SFT2D2: variants seen among roughly 807,000 people sequenced by gnomAD.
The protein encoded by SFT2D2 is vesicle transport protein SFT2B.
SFT2D2 carries 21 observed loss-of-function variants against 27.4 expected under a neutral mutation model. That is an observed-to-expected ratio of 0.77 (90% CI 0.54 to 1.10). SFT2D2 has a LOEUF of 1.10. Ranked by LOEUF, SFT2D2 falls within the 50% of genes least tolerant of loss-of-function variation. SFT2D2 has a pLI of 0.00. For synonymous variants in SFT2D2, 72 were observed against 71.7 expected, an observed-to-expected ratio of 1.00 and a Z score of -0.02; for missense variants, 187 against 194.2, an observed-to-expected ratio of 0.96 and a Z score of 0.22.
rs530172357 is a variant in SFT2D2 at position 168,239,778 on chromosome 1, C to T, written c.443+618C>T. On this transcript the variant is annotated intron_variant, in intron 7 of 7. Coordinates refer to ENST00000271375, the MANE Select transcript of SFT2D2 (RefSeq NM_199344.3). ...CAGTGACGGACCTCTCAAAATTAGC[C>T]GCATGATCTTTGCCTCTGACTTTGT... 1.3e-4 allele frequency among the ~76,000 whole-genome samples: 19 copies of T among 152,000 alleles called. 1 individual carries two copies. In the South Asian group the frequency reaches 2.9e-3, roughly 23 times the overall value.
Position 168,246,666 on chromosome 1 carries a change from A to G in SFT2D2, c.*4126A>G, listed in dbSNP as rs746013681. On this transcript the variant is annotated 3_prime_UTR_variant, in exon 8 of 8. Transcript: ENST00000271375. ...CTCTTTCTGTTGAGTGACTTTGATC[A>G]TGATCATGTAGAGCAACATTCAGTC... 2 of 1,270,352 alleles carry G rather than the reference A, an allele frequency of 1.6e-6. No homozygotes were observed. Among genetic ancestry groups the G allele is most frequent in the South Asian group, 1.2e-5 (1 of 84,620 alleles). 78.7% of individuals were successfully genotyped at this position (1,270,352 alleles called of 1,614,324 possible).
intron 1 of SFT2D2, 59 bp from the exon 2 acceptor site, chr1:168,231,455 T>A (rs547276785): frequency 5.9e-5 from 82 of 1,397,360 alleles, no homozygotes; most frequent in Middle Eastern, 1.8e-4. Context: ...TTTAGTTATG[T>A]GCTTGCTTTG....
intron 3 of SFT2D2, among the ~76,000 whole-genome samples, chr1:168,233,464 G>T (rs143655369): frequency 6.6e-6 from 1 of 152,184 alleles, no homozygotes; most frequent in Non-Finnish European, 1.5e-5. Context: ...CTTGTCCCCA[G>T]TTGTACCCAA....
At chr1:168,232,804 C>T (rs1300095329) in intron 3 of SFT2D2, among the ~76,000 whole-genome samples, 1 of 152,184 alleles carries the variant, frequency 6.6e-6, no homozygotes, top group Admixed American at 6.5e-5. Context: ...CATGATATAA[C>T]AAGATATGGA....
chr1:168,236,107 G>C (rs1282478499), intron 4 of SFT2D2, among the ~76,000 whole-genome samples: 1 of 152,238 alleles, frequency 6.6e-6, no homozygotes, highest in Admixed American at 6.5e-5. Context: ...CTTGCAGAAA[G>C]AGCTTTCTAA....
rs1274800131 is a variant in SFT2D2, at chr1:168,247,149, ATTATCT to A, written c.*4613_*4618del. The A allele has an allele frequency of 1.5e-4, 44 of 285,758 alleles. No homozygotes were observed. Among genetic ancestry groups the A allele is most frequent in the African/African-American group, 9.7e-4 (42 of 43,344 alleles). The allele number at this position is 285,758 out of a possible 1,614,324, so 17.7% of individuals were successfully genotyped here. A position where few individuals can be genotyped will look rare whatever the true frequency, so the allele number is the denominator to read the frequency against. On this transcript the variant is annotated 3_prime_UTR_variant, in exon 8 of 8. Coordinates refer to ENST00000271375, the MANE Select transcript of SFT2D2 (RefSeq NM_199344.3). ...AATTTTTACTGTAAGTCACTCAGTG[ATTATCT>A]TTAAGTTCCACTGATCTTTTACATA... is the stretch of plus-strand genomic sequence containing the variant.
At chr1:168,229,022 C>G (rs899557553) in intron 1 of SFT2D2, among the ~76,000 whole-genome samples, 4 of 152,228 alleles carry the variant, frequency 2.6e-5, no homozygotes, top group African/African-American at 4.8e-5. Flanking sequence ...AAAGAACTTG[C>G]AACCACATGT....
In SFT2D2 at chr1:168,244,136, A is replaced by G. The variant is rs971275173; in HGVS notation, c.*1596A>G. On this transcript the variant is annotated 3_prime_UTR_variant, in exon 8 of 8. Transcript: ENST00000271375. ...CCCCTTTCTTGTGGCTAATTGCTGA[A>G]CCTTTCTTTGTCCTACTGTGGCTAA... 2 of 149,976 alleles carry G rather than the reference A, an allele frequency of 1.3e-5. No individual in the cohort carries two copies. The highest frequency in any genetic ancestry group is 4.9e-5 in the African/African-American group (2 of 40,732). 9.3% of individuals were successfully genotyped at this position (149,976 alleles called of 1,614,324 possible).
intron 1 of SFT2D2, 122 bp downstream of exon 1, chr1:168,226,264 C>A (rs1402611215): frequency 6.3e-6 from 5 of 798,760 alleles, no homozygotes; most frequent in Non-Finnish European, 9.3e-6. Context: ...GCCCCTTCTC[C>A]TCCTCTTCTT....
intron 1 of SFT2D2, 55 bp downstream of exon 1, chr1:168,226,197 C>A: frequency 6.8e-7 from 1 of 1,478,266 alleles, no homozygotes; most frequent in Non-Finnish European, 9.1e-7. Flanking sequence ...CCCTGCGTCC[C>A]CTGCCCGGGC....
rs76294838 is a variant in SFT2D2 at position 168,229,132 on chromosome 1, G to C, written c.64-2382G>C. 7.3e-4 allele frequency among the ~76,000 whole-genome samples: 111 copies of C among 152,264 alleles called. 1 individual carries two copies. The East Asian group carries it at 0.015, about 21-fold the overall frequency. On this transcript the variant is annotated intron_variant, in intron 1 of 7. Transcript: ENST00000271375. Reference sequence around the variant, plus strand: ...TCAGCTTGAGAGACTTGGATATGGAGTGTCACTTTCCTTTCTGAAGGTAGA... The same window carrying C: ...TCAGCTTGAGAGACTTGGATATGGACTGTCACTTTCCTTTCTGAAGGTAGA...
chr1:168,234,314 A>T (rs1647413509), intron 3 of SFT2D2, among the ~76,000 whole-genome samples: 1 of 152,024 alleles, frequency 6.6e-6, no homozygotes, highest in Non-Finnish European at 1.5e-5. Flanking sequence ...GAATCACTTG[A>T]ACCCAGGAGG....
At chr1:168,237,990 A>G (rs1270589283) in intron 6 of SFT2D2, among the ~76,000 whole-genome samples, 1 of 152,136 alleles carries the variant, frequency 6.6e-6, no homozygotes, top group Non-Finnish European at 1.5e-5. Context: ...TTTTGAATCC[A>G]GTTTCAGAGG....
chr1:168,244,813 A>C lies in SFT2D2; in HGVS notation c.*2273A>C, dbSNP rs1647764032. The C allele has an allele frequency of 6.6e-6, 1 of 152,010 alleles. No individual in the cohort carries two copies. Among genetic ancestry groups the C allele is most frequent in the Non-Finnish European group, 1.5e-5 (1 of 68,040 alleles). The allele number at this position is 152,010 out of a possible 1,614,324, so 9.4% of individuals were successfully genotyped here. A position where few individuals can be genotyped will look rare whatever the true frequency, so the allele number is the denominator to read the frequency against. On this transcript the variant is annotated 3_prime_UTR_variant, in exon 8 of 8. Coordinates refer to ENST00000271375, the MANE Select transcript of SFT2D2 (RefSeq NM_199344.3). ...AGCTCCAGCAGCTCCAGCAGCCTGG[A>C]ATAAGACACCTAGAAGGCTCATCCC...
In SFT2D2 at chr1:168,244,866, T is replaced by C. The variant is rs1647765425; in HGVS notation, c.*2326T>C. On this transcript the variant is annotated 3_prime_UTR_variant, in exon 8 of 8. Coordinates refer to ENST00000271375, the MANE Select transcript of SFT2D2 (RefSeq NM_199344.3). ...CATGTCCATGTCCTTTTTTTTTTTT[T>C]AGATTGAACAACCATGCTTTGTTTA... is the stretch of plus-strand genomic sequence containing the variant. The C allele has an allele frequency of 2.0e-5, 3 of 151,794 alleles. No individual in the cohort carries two copies. The South Asian group carries it at 6.3e-4, about 32-fold the overall frequency. The allele number at this position is 151,794 out of a possible 1,614,324, so 9.4% of individuals were successfully genotyped here.
chr1:168,236,589 T>G lies in SFT2D2; in HGVS notation c.319T>G (p.Leu107Val). The G allele has an allele frequency of 6.2e-7, 1 of 1,612,482 alleles. No individual in the cohort carries two copies. Among genetic ancestry groups the G allele is most frequent in the African/African-American group, 1.3e-5 (1 of 75,006 alleles). Residue 107 changes from leucine to valine, a missense_variant and splice_region_variant, in exon 5 of 8, where the codon TTG (leucine) becomes GTG (valine). By Grantham distance (32) the Leu-to-Val change is conservative. Transcript: ENST00000271375. Reference protein sequence around the residue: ...TRLIATIMVLLCFALTLCSAF... With the variant: ...TRLIATIMVLVCFALTLCSAF... ...ATTAATGTTTCCTTTCTTCCTTTAG[T>G]TGTGTTTTGCACTTACCCTGTGTTC...
chr1:168,239,813 A>G (rs1647596675), intron 7 of SFT2D2, among the ~76,000 whole-genome samples: 1 of 149,094 alleles, frequency 6.7e-6, no homozygotes, highest in African/African-American at 2.5e-5. Context: ...TTCTAATGCA[A>G]CTATTTAACT....
At chr1:168,238,870 G>A (rs1411523878) in intron 6 of SFT2D2, among the ~76,000 whole-genome samples, 1 of 152,226 alleles carries the variant, frequency 6.6e-6, no homozygotes, top group African/African-American at 2.4e-5. Context: ...TGAGGCCGAG[G>A]TCATACGGGT....
At chr1:168,235,273 C>T (rs1647464829) in intron 4 of SFT2D2, 91 bp downstream of exon 4, 1 of 1,256,494 alleles carries the variant, frequency 8.0e-7, no homozygotes, top group South Asian at 1.2e-5. Context: ...AAGACCTCTT[C>T]TCTTTTTCCG....
Sources: allele counts gnomAD v4.1 joint callset (sites outside exome capture counted in the v4.1 genomes callset), GRCh38; gene constraint gnomAD v4.1.1; transcripts MANE v1.5; gene names NCBI Gene and HGNC (gene_info 2026-07-23, HGNC 2026-07-21).